Variants in NHEJ1 observed in about 807,000 individuals in gnomAD.
NHEJ1 encodes the protein non-homologous end-joining factor 1.
A neutral mutation model predicts 39.4 loss-of-function variants in NHEJ1; 22 were observed. The ratio of observed to expected loss-of-function variants is 0.56; its 90% CI spans 0.40 to 0.80. The LOEUF is 0.80. Ranked by LOEUF, NHEJ1 falls within the 30% of genes least tolerant of loss-of-function variation. The probability of loss-of-function intolerance (pLI) is 0.00; values close to 1 mark genes in which losing one functional copy is unlikely to be tolerated. For missense variants in NHEJ1, 329 were observed against 357.1 expected (o/e 0.92, Z 0.63); for synonymous variants, 154 against 135.6 (o/e 1.14, Z -0.94).
chr2:219,158,798 T>C (rs1194232673), intron 1 of NHEJ1: 1 of 200,398 alleles, frequency 5.0e-6, no homozygotes, highest in East Asian at 1.2e-4. Flanking sequence ...TAAAACATCA[T>C]AAGTCATAGT....
chr2:219,101,018 T>A (rs1372742554), intron 5 of NHEJ1, among the ~76,000 whole-genome samples: 1 of 152,262 alleles, frequency 6.6e-6, no homozygotes, highest in Non-Finnish European at 1.5e-5. Context: ...TTTTTCTATT[T>A]GGTATAAACA....
chr2:219,159,567 A>ATATATGCT (rs1949902866), intron 1 of NHEJ1, among the ~76,000 whole-genome samples: 1 of 7,174 alleles, frequency 1.4e-4, no homozygotes, highest in Non-Finnish European at 1.8e-3. Context: ...ATATATGCAT[A>ATATATGCT]TATATATGCA....
chr2:219,151,268 A>G (rs1407331751), intron 3 of NHEJ1, among the ~76,000 whole-genome samples: 1 of 152,180 alleles, frequency 6.6e-6, no homozygotes, highest in East Asian at 1.9e-4. Flanking sequence ...CAGCAACACC[A>G]TCCAATTGGC....
At chr2:219,095,357 T>A (rs10498064) in intron 5 of NHEJ1, 8,385 of 470,770 alleles carry the variant, frequency 0.018, 593 homozygotes, top group African/African-American at 0.15. Flanking sequence ...ATCTTTTAAC[T>A]GAGAGATGAT....
At chr2:219,077,700 G>C (rs990711043) in intron 6 of NHEJ1, among the ~76,000 whole-genome samples, 1 of 151,726 alleles carries the variant, frequency 6.6e-6, no homozygotes, top group African/African-American at 2.4e-5. Flanking sequence ...GTCCAGGCTG[G>C]TCTCAAACTC....
intron 5 of NHEJ1, among the ~76,000 whole-genome samples, chr2:219,109,357 T>C (rs1949342052): frequency 6.6e-6 from 1 of 151,198 alleles, no homozygotes; most frequent in South Asian, 2.1e-4. Flanking sequence ...CCACAAAGGA[T>C]AAAAAAAAAG....
chr2:219,114,403 A>G (rs954461042), intron 5 of NHEJ1, among the ~76,000 whole-genome samples: 1 of 152,220 alleles, frequency 6.6e-6, no homozygotes, highest in African/African-American at 2.4e-5. Flanking sequence ...TAAGCAGATC[A>G]TGTGCCTGGA....
intron 3 of NHEJ1, among the ~76,000 whole-genome samples, chr2:219,154,326 T>C (rs780694632): frequency 2.0e-5 from 3 of 152,218 alleles, no homozygotes; most frequent in Non-Finnish European, 4.4e-5. Flanking sequence ...AGTATATACA[T>C]ATATAGCTTT....
chr2:219,107,160 T>C (rs746101907), intron 5 of NHEJ1, among the ~76,000 whole-genome samples: 2 of 152,140 alleles, frequency 1.3e-5, no homozygotes, highest in Non-Finnish European at 2.9e-5. Flanking sequence ...ATATGATATA[T>C]GCAAGAGAAA....
chr2:219,123,259 TTAACAG>T (rs1213775976), intron 5 of NHEJ1, among the ~76,000 whole-genome samples: 1 of 152,146 alleles, frequency 6.6e-6, no homozygotes, highest in Non-Finnish European at 1.5e-5. Context: ...AGATCACACA[TTAACAG>T]TAAGTAAAGT....
At chr2:219,124,324 A>C (rs1042826754) in intron 5 of NHEJ1, among the ~76,000 whole-genome samples, 1 of 152,220 alleles carries the variant, frequency 6.6e-6, no homozygotes, top group African/African-American at 2.4e-5. Flanking sequence ...GTGGAATGTA[A>C]GCTTTAAAAG....
intron 5 of NHEJ1, among the ~76,000 whole-genome samples, chr2:219,138,146 G>C (rs1043531693): frequency 6.6e-6 from 1 of 152,158 alleles, no homozygotes; most frequent in Non-Finnish European, 1.5e-5. Flanking sequence ...CATGGTAAAA[G>C]GGTAGCCCTT....
chr2:219,079,892 C>T (rs944031888), intron 5 of NHEJ1, among the ~76,000 whole-genome samples: 6 of 152,150 alleles, frequency 3.9e-5, no homozygotes, highest in African/African-American at 1.4e-4. Flanking sequence ...AGAAATGATG[C>T]CTCTCTTAGG....
chr2:219,103,174 A>G (rs1272759199), intron 5 of NHEJ1, among the ~76,000 whole-genome samples: 133 of 99,804 alleles, frequency 1.3e-3, no homozygotes, highest in African/African-American at 1.3e-3. Flanking sequence ...CAAAAACGGG[A>G]AAAAAAAAAA....
At chr2:219,152,759 C>T (rs1367545258) in intron 3 of NHEJ1, among the ~76,000 whole-genome samples, 2 of 144,926 alleles carry the variant, frequency 1.4e-5, no homozygotes, top group African/African-American at 4.9e-5. Flanking sequence ...GAGCCATCAT[C>T]CCCGGGATCT....
intron 5 of NHEJ1, among the ~76,000 whole-genome samples, chr2:219,106,802 A>G (rs556844653): frequency 5.9e-5 from 9 of 152,352 alleles, no homozygotes; most frequent in Non-Finnish European, 1.2e-4. Context: ...GAAAAAGTAC[A>G]GACAGTCAGC....
chr2:219,156,790 T>C (rs10932796), intron 3 of NHEJ1, among the ~76,000 whole-genome samples: 108,456 of 152,186 alleles, frequency 0.71, 39,124 homozygotes, highest in Non-Finnish European at 0.76. Flanking sequence ...CATATTCTAT[T>C]CTGTTGCCAG....
intron 5 of NHEJ1, among the ~76,000 whole-genome samples, chr2:219,086,747 C>T (rs568833579): frequency 3.3e-5 from 5 of 151,862 alleles, no homozygotes; most frequent in Non-Finnish European, 7.4e-5. Context: ...AAGGTGGGGG[C>T]GGGGCAGCTG....
intron 5 of NHEJ1, among the ~76,000 whole-genome samples, chr2:219,131,779 A>G (rs1233355236): frequency 6.6e-6 from 1 of 152,244 alleles, no homozygotes; most frequent in East Asian, 1.9e-4. Context: ...GGAATGTGGA[A>G]TAAGAAAAGA....
Sources: gnomAD v4.1 joint callset for allele counts (sites outside exome capture counted in the v4.1 genomes callset) on GRCh38, gnomAD v4.1.1 for gene constraint, MANE v1.5 for transcripts, NCBI Gene and HGNC (gene_info 2026-07-23, HGNC 2026-07-21) for gene names.